NLGN4X: variants seen among roughly 807,000 people sequenced by gnomAD.
The protein encoded by NLGN4X is neuroligin-4, X-linked.
In NLGN4X, 3 loss-of-function variants were observed where a neutral mutation model predicts 40.3. The ratio of observed to expected loss-of-function variants is 0.07; its 90% CI spans 0.03 to 0.19. The LOEUF (loss-of-function observed/expected upper bound fraction) is 0.19, where lower values mean the gene tolerates loss of function less well. Among genes scored for constraint, NLGN4X ranks in the 10% least tolerant of loss-of-function variants. The pLI, the probability that NLGN4X is intolerant of heterozygous loss-of-function variation, is 1.00. For missense variants in NLGN4X, 382 were observed against 708.3 expected (o/e 0.54, Z 5.23); for synonymous variants, 270 against 306.8 (o/e 0.88, Z 1.25).
intron 3 of NLGN4X, among the ~76,000 whole-genome samples, chrX:5,965,392 G>T (rs898963129): frequency 7.1e-5 from 8 of 112,123 alleles, no homozygotes; most frequent in African/African-American, 2.6e-4. Context: ...ATGTGGCCAA[G>T]TTGGGCTCCA....
intron 1 of NLGN4X, among the ~76,000 whole-genome samples, chrX:6,180,703 A>G (rs1921344018): frequency 9.0e-6 from 1 of 111,436 alleles, no homozygotes; most frequent in South Asian, 3.8e-4. Context: ...TTATAAACAT[A>G]GAAAGTAGTG....
At chrX:6,074,145 G>C (rs1189942059) in intron 2 of NLGN4X, among the ~76,000 whole-genome samples, 1 of 111,288 alleles carries the variant, frequency 9.0e-6, no homozygotes, top group Non-Finnish European at 1.9e-5. Context: ...CATCAGGAAG[G>C]CTGCAGCAGG....
chrX:6,172,551 T>A (rs2040630226), intron 1 of NLGN4X, among the ~76,000 whole-genome samples: 1 of 112,104 alleles, frequency 8.9e-6, no homozygotes, highest in Non-Finnish European at 1.9e-5. Context: ...TTCCCATGTT[T>A]TTTATGAGTC....
intron 3 of NLGN4X, among the ~76,000 whole-genome samples, chrX:5,957,536 T>A (rs2034531111): frequency 8.9e-6 from 1 of 112,287 alleles, no homozygotes; most frequent in South Asian, 3.7e-4. Context: ...TCTTTCAGTA[T>A]CTCCATGTGT....
Position 6,067,588 on chromosome X carries a change from T to C in NLGN4X, c.473-38156A>G, listed in dbSNP as rs372992208. Among the ~76,000 whole-genome samples the C allele has an allele frequency of 6.3e-5, 7 of 111,774 alleles. No individual in the cohort carries two copies. In the East Asian group the frequency reaches 1.1e-3, roughly 18 times the overall value. On this transcript the variant is annotated intron_variant, in intron 2 of 5. Coordinates refer to ENST00000381095, the MANE Select transcript of NLGN4X (RefSeq NM_181332.3). ...CTATGCAATCCAGTAACATACCCGGTCATGGCATGTTTCCAAGGAGAAGTC... is the reference window on the plus strand; with the variant it reads ...CTATGCAATCCAGTAACATACCCGGCCATGGCATGTTTCCAAGGAGAAGTC...
chrX:5,922,854 C>T (rs960068091), intron 3 of NLGN4X, among the ~76,000 whole-genome samples: 15 of 109,984 alleles, frequency 1.4e-4, no homozygotes, highest in African/African-American at 4.0e-4. Context: ...CAGAGGGAGG[C>T]ACCATCTCAA....
rs2037837306 is a variant in NLGN4X at position 6,063,958 on chromosome X, C to T, written c.473-34526G>A. 2.7e-5 allele frequency among the ~76,000 whole-genome samples: 3 copies of T among 111,941 alleles called. No individual in the cohort carries two copies. The Admixed American group carries it at 2.8e-4, about 11-fold the overall frequency. On this transcript the variant is annotated intron_variant, in intron 2 of 5. Transcript: ENST00000381095. ...GCTTTGTCTAGTTTTTCTGATTGGG[C>T]TCTTTGTTTTTGCCAGAGGTAAACT...
intron 3 of NLGN4X, among the ~76,000 whole-genome samples, chrX:6,010,305 C>T (rs1180276914): frequency 9.2e-6 from 1 of 108,832 alleles, no homozygotes; most frequent in Non-Finnish European, 1.9e-5. Flanking sequence ...GTGCTTCCTG[C>T]TTGTAGACCC....
intron 3 of NLGN4X, among the ~76,000 whole-genome samples, chrX:5,969,922 G>T (rs1390691728): frequency 9.5e-6 from 1 of 104,808 alleles, no homozygotes; most frequent in African/African-American, 3.5e-5. Flanking sequence ...CTATCACAAG[G>T]AAAAACAACC....
intron 3 of NLGN4X, among the ~76,000 whole-genome samples, chrX:6,016,846 G>A (rs780004900): frequency 9.0e-6 from 1 of 111,672 alleles, no homozygotes; most frequent in South Asian, 3.8e-4. Flanking sequence ...AAAACATTAA[G>A]GGAATGAAGT....
At position 6,151,490 on chromosome X, in the gene NLGN4X, A is replaced by G. The variant is rs754656392; in HGVS notation, c.-24T>C. 1 of 1,166,852 alleles carries G rather than the reference A, an allele frequency of 8.6e-7. No homozygotes were observed. The highest frequency in any genetic ancestry group is 1.2e-6 in the Non-Finnish European group (1 of 855,004). On this transcript the variant is annotated 5_prime_UTR_variant, in exon 2 of 6. Transcript: ENST00000381095. ...ATGGTTCAAATCTGCATCCACATCC[A>G]CAGCTGTCCCAGTGATGTGGCTCCA...
intron 2 of NLGN4X, among the ~76,000 whole-genome samples, chrX:6,045,324 C>T (rs1680959813): frequency 8.9e-6 from 1 of 112,306 alleles, no homozygotes; most frequent in Non-Finnish European, 1.9e-5. Flanking sequence ...TTAGCACCCC[C>T]AAGCACAGAA....
chrX:6,010,513 T>TTTATTATTATTATTATTATTATTATTA (rs58321620), intron 3 of NLGN4X, among the ~76,000 whole-genome samples: 3,242 of 95,340 alleles, frequency 0.034, 80 homozygotes, highest in East Asian at 0.097. Context: ...TTCTTTTTAT[T>TTTATTATTATTATTATTATTATTATTA]TTATTATTAT....
intron 3 of NLGN4X, among the ~76,000 whole-genome samples, chrX:5,978,353 C>A (rs926127221): frequency 2.2e-5 from 2 of 89,503 alleles, no homozygotes; most frequent in Non-Finnish European, 4.3e-5. Flanking sequence ...TCCCTTCCTT[C>A]TCTTTCTTTC....
chrX:6,106,248 G>A (rs1028316036), intron 2 of NLGN4X, among the ~76,000 whole-genome samples: 1 of 111,596 alleles, frequency 9.0e-6, no homozygotes, highest in African/African-American at 3.3e-5. Flanking sequence ...CTTTCAAATT[G>A]TAGATAAGGG....
rs182504503 is a variant in NLGN4X at position 5,942,580 on chromosome X, C to T, written c.626-33341G>A. Among the ~76,000 whole-genome samples the T allele has an allele frequency of 1.7e-3, 192 of 109,873 alleles. 1 individual carries two copies. The highest frequency in any genetic ancestry group is 6.2e-3 in the African/African-American group (186 of 30,141). On this transcript the variant is annotated intron_variant, in intron 3 of 5. Transcript: ENST00000381095. ...CCTGTAGTCTCAGCTACTCGGGAAG[C>T]TGAGGCAGAGGTTGCATTGGGCCGA...
At chrX:5,968,447 C>CTT (rs1419094479) in intron 3 of NLGN4X, among the ~76,000 whole-genome samples, 1 of 21,468 alleles carries the variant, frequency 4.7e-5, no homozygotes, top group Non-Finnish European at 9.5e-5. Flanking sequence ...CCCTCTCTCT[C>CTT]TCTCTCTCTC....
At chrX:5,902,775 A>G (rs752536560) in intron 5 of NLGN4X, among the ~76,000 whole-genome samples, 4 of 112,779 alleles carry the variant, frequency 3.5e-5, no homozygotes, top group African/African-American at 6.4e-5. Flanking sequence ...ACCTGCAGGT[A>G]GGAACTCTGG....
chrX:5,905,314 C>A (rs1328214223), intron 4 of NLGN4X, among the ~76,000 whole-genome samples: 2 of 111,432 alleles, frequency 1.8e-5, no homozygotes, highest in East Asian at 5.6e-4. Context: ...AAAAATCACC[C>A]AGAATTCATA....
Sources: allele counts gnomAD v4.1 joint callset (sites outside exome capture counted in the v4.1 genomes callset), GRCh38; gene constraint gnomAD v4.1.1; transcripts MANE v1.5; gene names NCBI Gene and HGNC (gene_info 2026-07-23, HGNC 2026-07-21).